Variants in ARHGAP30 observed in about 807,000 individuals in gnomAD.
The protein encoded by ARHGAP30 is Rho GTPase activating protein 30.
A neutral mutation model predicts 72.0 loss-of-function variants in ARHGAP30; 23 were observed. The observed-to-expected ratio is 0.32, with a 90% CI of 0.23 to 0.45. The LOEUF (loss-of-function observed/expected upper bound fraction) is 0.45, where lower values mean the gene tolerates loss of function less well. Among genes scored for constraint, ARHGAP30 ranks in the 20% least tolerant of loss-of-function variants. ARHGAP30 has a pLI of 1.00. For synonymous variants in ARHGAP30, 576 were observed against 528.2 expected (o/e 1.09, Z -1.24); for missense variants, 1,319 against 1,383.4 (o/e 0.95, Z 0.74).
chr1:161,059,014 T>A (rs982037969), intron 2 of ARHGAP30, among the ~76,000 whole-genome samples: 42 of 152,208 alleles, frequency 2.8e-4, no homozygotes, highest in Non-Finnish European at 7.4e-5. Context: ...TTTTGATATG[T>A]AAATTATATC....
chr1:161,069,445 G>T lies in ARHGAP30; in HGVS notation c.97+83C>A. On this transcript the variant is annotated intron_variant, in intron 1 of 11. Transcript: ENST00000368013. The surrounding 1 kb of genome is among the most constrained non-coding windows in gnomAD (Gnocchi z 4.9). The stretch of plus-strand genomic sequence containing the variant: ...CCCTTCCCCAGGAGCACCGGAAACT[G>T]CTTCTGCCCTTCAGGCTGGATCGGG... 2 of 1,421,128 alleles carry T rather than the reference G, an allele frequency of 1.4e-6. No individual in the cohort carries two copies. The highest frequency in any genetic ancestry group is 2.0e-6 in the Non-Finnish European group (2 of 1,021,972). 88.0% of individuals were successfully genotyped at this position (1,421,128 alleles called of 1,614,324 possible). A position where few individuals can be genotyped will look rare whatever the true frequency, so the allele number is the denominator to read the frequency against.
chr1:161,049,064 C>G lies in ARHGAP30; in HGVS notation c.1957G>C (p.Ala653Pro). The change falls in exon 12 of 12, where the codon GCA becomes CCA. Residue 653 changes from alanine to proline, a missense_variant. Around this residue, in one of 2 missense-constraint regions of ARHGAP30, gnomAD observed 1,097 missense variants for 1,045.2 expected, o/e 1.05. Transcript: ENST00000368013. Reference sequence around the variant, plus strand: ...TTGTCCTCCCCAACTTCCCAGCATGCCTGCTCTTCCCCACCCTGTCCCAGA... The same window carrying G: ...TTGTCCTCCCCAACTTCCCAGCATGGCTGCTCTTCCCCACCCTGTCCCAGA... The part of the protein sequence containing the change: ...QALGQGGEEQ[A>P]CWEVGEDKQA... 1 of 1,614,190 alleles carries G rather than the reference C, an allele frequency of 6.2e-7. No individual in the cohort carries two copies. The highest frequency in any genetic ancestry group is 8.5e-7 in the Non-Finnish European group (1 of 1,180,034).
In ARHGAP30 at chr1:161,059,676, C is replaced by G. The variant is rs368841524; in HGVS notation, c.138G>C (p.Glu46Asp). The change falls in exon 2 of 12, where the codon GAG (glutamate) becomes GAC (aspartate). Residue 46 changes from glutamate to aspartate, a missense_variant. By Grantham distance (45) the Glu-to-Asp change is conservative. This residue lies in a region of ARHGAP30 where 222 missense variants were observed against 338.2 expected (regional missense o/e 0.66). Transcript: ENST00000368013. ...GGTAGATCCCATCCACCACTCCATACTCCTCCACAAATTCTGCACAGCTCT... is the reference window on the plus strand; with the variant it reads ...GGTAGATCCCATCCACCACTCCATAGTCCTCCACAAATTCTGCACAGCTCT... ...VLKSCAEFVE[E>D]YGVVDGIYRL... is the part of the protein sequence containing the mutation. 1.7e-4 allele frequency: 272 copies of G among 1,613,874 alleles called. 5 individuals are homozygous for G. The South Asian group carries it at 2.8e-3, about 16-fold the overall frequency.
chr1:161,049,176 G>A lies in ARHGAP30; in HGVS notation c.1845C>T (p.Asp615=), dbSNP rs368859663. The A allele has an allele frequency of 1.2e-6, 2 of 1,614,034 alleles. No individual in the cohort carries two copies. Among genetic ancestry groups the A allele is most frequent in the African/African-American group, 2.7e-5 (2 of 74,892 alleles). ...GTTTAGGTCCCAGAAGGGGACTTAG[G>A]TCATCATAGGCACTCAGGAAAACTT... The part of the protein sequence containing the change: ...GEEVFLSAYD[D]LSPLLGPKPP... Residue 615 remains aspartate, a synonymous_variant, in exon 12 of 12, where the codon GAC becomes GAT. Coordinates refer to ENST00000368013, the MANE Select transcript of ARHGAP30 (RefSeq NM_001025598.2).
At position 161,069,732 on chromosome 1, in the gene ARHGAP30, G is replaced by C. The variant is rs962238308; in HGVS notation, c.-108C>G. 12 of 1,259,142 alleles carry C rather than the reference G, an allele frequency of 9.5e-6. No individual in the cohort carries two copies. Among genetic ancestry groups the C allele is most frequent in the Admixed American group, 6.3e-5 (3 of 47,480 alleles). 78.0% of individuals were successfully genotyped at this position (1,259,142 alleles called of 1,614,324 possible). ...GCTGCTGGGCTTGGCCCGGCCCCAG[G>C]GGGGCAGGGCTCCCAATTGGGGGTG... On this transcript the variant is annotated 5_prime_UTR_variant, in exon 1 of 12. Transcript: ENST00000368013. This position sits in a 1 kb window ranked among gnomAD's most constrained non-coding sequence, Gnocchi z 4.9.
intron 1 of ARHGAP30, among the ~76,000 whole-genome samples, chr1:161,066,206 G>A (rs1325302376): frequency 6.7e-6 from 1 of 150,144 alleles, no homozygotes; most frequent in Non-Finnish European, 1.5e-5. Flanking sequence ...CTGGCTTTCA[G>A]ACCCTTCATC....
intron 5 of ARHGAP30, 114 bp from the exon 6 acceptor site, chr1:161,053,499 T>TCTCTCTC: frequency 1.1e-6 from 1 of 873,592 alleles, no homozygotes; most frequent in East Asian, 7.3e-5. Context: ...TCTCTCTCTC[T>TCTCTCTC]CTCTCTCGAA....
chr1:161,052,370 G>C lies in ARHGAP30; in HGVS notation c.941-7C>G. The C allele has an allele frequency of 1.2e-6, 2 of 1,614,040 alleles. No individual in the cohort carries two copies. Among genetic ancestry groups the C allele is most frequent in the Non-Finnish European group, 1.7e-6 (2 of 1,180,024 alleles). The stretch of plus-strand genomic sequence containing the variant: ...CCCTTGTTGGATTTATCCTCTGTAA[G>C]ACAGGGATGTGTGTAGAGCCAGGGC... On this transcript the variant is annotated splice_polypyrimidine_tract_variant and splice_region_variant and intron_variant, in intron 8 of 11. Coordinates refer to ENST00000368013, the MANE Select transcript of ARHGAP30 (RefSeq NM_001025598.2).
At chr1:161,061,432 C>T (rs913509580) in intron 1 of ARHGAP30, among the ~76,000 whole-genome samples, 1 of 152,032 alleles carries the variant, frequency 6.6e-6, no homozygotes, top group African/African-American at 2.4e-5. Flanking sequence ...GGATTACAGG[C>T]GTGAGCCACC....
At position 161,056,474 on chromosome 1, in the gene ARHGAP30, T is replaced by A; in HGVS notation, c.259A>T (p.Ile87Phe). Residue 87 changes from isoleucine (I) to phenylalanine (F), a missense_variant, in exon 3 of 12, where the codon ATT becomes TTT. Ile to Phe is a conservative substitution (Grantham distance 21). Around this residue, in one of 2 missense-constraint regions of ARHGAP30, gnomAD observed 222 missense variants for 338.2 expected, o/e 0.66. Coordinates refer to ENST00000368013, the MANE Select transcript of ARHGAP30 (RefSeq NM_001025598.2). ...TTGCACAGGGAGGAGACGCAGTGAA[T>A]GTCTTGGAGGTAAACATCCCGACGC... is the stretch of plus-strand genomic sequence containing the variant. ...DLRRDVYLQD[I>F]HCVSSLCKAY... 1 of 1,614,064 alleles carries A rather than the reference T, an allele frequency of 6.2e-7. No homozygotes were observed. Among genetic ancestry groups the A allele is most frequent in the Admixed American group, 1.7e-5 (1 of 59,994 alleles).
chr1:161,064,111 T>C (rs12080904), intron 1 of ARHGAP30, among the ~76,000 whole-genome samples: 1,886 of 152,324 alleles, frequency 0.012, 40 homozygotes, highest in African/African-American at 0.042. Flanking sequence ...CATACCTATT[T>C]GTATACTCCC....
chr1:161,049,767 T>G, intron 10 of ARHGAP30, 78 bp from the exon 11 acceptor site: 1 of 1,527,148 alleles, frequency 6.5e-7, no homozygotes, highest in South Asian at 1.2e-5. Flanking sequence ...CTAGCATTGA[T>G]ATAGCAGGGG....
At position 161,054,665 on chromosome 1, in the gene ARHGAP30, T is replaced by C. The variant is rs146389701; in HGVS notation, c.386A>G (p.Lys129Arg). The stretch of plus-strand genomic sequence containing the variant: ...GAGTTCCCGAAGCACCTCTAGGATC[T>C]TGACCAAGCGCTCAGGTTCCAATTG... ...GVQLEPERLVKILEVLRELPV... is the reference protein window; with the variant it reads ...GVQLEPERLVRILEVLRELPV... Residue 129 changes from lysine (K) to arginine (R), a missense_variant, in exon 4 of 12, where the codon AAG becomes AGG. Lys to Arg is a conservative substitution (Grantham distance 26, BLOSUM62 2). Coordinates refer to ENST00000368013, the MANE Select transcript of ARHGAP30 (RefSeq NM_001025598.2). 7.2e-5 allele frequency: 117 copies of C among 1,614,026 alleles called. No homozygotes were observed. The African/African-American group carries it at 1.5e-3, about 20-fold the overall frequency.
At position 161,069,708 on chromosome 1, in the gene ARHGAP30, C is replaced by G. The variant is rs1324719229; in HGVS notation, c.-84G>C. The G allele has an allele frequency of 8.1e-6, 12 of 1,476,718 alleles. No homozygotes were observed. Among genetic ancestry groups the G allele is most frequent in the Non-Finnish European group, 1.1e-5 (12 of 1,073,314 alleles). 91.5% of individuals were successfully genotyped at this position (1,476,718 alleles called of 1,614,324 possible). A position where few individuals can be genotyped will look rare whatever the true frequency, so the allele number is the denominator to read the frequency against. ...CAGTCCCCCATGGGATCCCAGCCAG[C>G]TGCTGGGCTTGGCCCGGCCCCAGGG... On this transcript the variant is annotated 5_prime_UTR_variant, in exon 1 of 12. Coordinates refer to ENST00000368013, the MANE Select transcript of ARHGAP30 (RefSeq NM_001025598.2). The surrounding 1 kb of genome is among the most constrained non-coding windows in gnomAD (Gnocchi z 4.9).
At position 161,062,837 on chromosome 1, in the gene ARHGAP30, G is replaced by C. The variant is rs563052597; in HGVS notation, c.98-3121C>G. Among the ~76,000 whole-genome samples the C allele has an allele frequency of 6.0e-5, 9 of 150,158 alleles. No homozygotes were observed. In the South Asian group the frequency reaches 1.9e-3, roughly 32 times the overall value. On this transcript the variant is annotated intron_variant, in intron 1 of 11. Coordinates refer to ENST00000368013, the MANE Select transcript of ARHGAP30 (RefSeq NM_001025598.2). ...GTCTTTGTTCTTTTTTTTTTGAGAC[G>C]GAGTTTCGCTCTTGTTGCCCAGGCT...
Position 161,048,800 on chromosome 1 carries a change from C to T in ARHGAP30, c.2221G>A (p.Glu741Lys), listed in dbSNP as rs201790759. The T allele has an allele frequency of 9.6e-5, 155 of 1,613,978 alleles. No individual in the cohort carries two copies. Among genetic ancestry groups the T allele is most frequent in the South Asian group, 2.2e-5 (2 of 91,086 alleles). Residue 741 changes from glutamate to lysine, a missense_variant, in exon 12 of 12, where the codon GAG becomes AAG. This residue lies in a region of ARHGAP30 where 1,097 missense variants were observed against 1,045.2 expected (regional missense o/e 1.05). Transcript: ENST00000368013. ...TCTTTTTCCTTCTCATCTGTATACT[C>T]ATCTCCTCCTGGTTCCTCCACACCT... ...AKGVEEPGGD[E>K]YTDEKEKEIE...
chr1:161,059,910 C>T (rs994356300), intron 1 of ARHGAP30, among the ~76,000 whole-genome samples, 194 bp from the exon 2 acceptor site: 2 of 152,170 alleles, frequency 1.3e-5, no homozygotes, highest in Non-Finnish European at 2.9e-5. Flanking sequence ...CTTAGTGGGT[C>T]CTAAAGGTCC....
intron 5 of ARHGAP30, 76 bp from the exon 6 acceptor site, chr1:161,053,461 ATTCTCTCT>A: frequency 1.2e-6 from 1 of 805,624 alleles, no homozygotes; most frequent in Admixed American, 2.9e-5. Context: ...AAAATACCTT[ATTCTCTCT>A]CTCTCTCTCT....
chr1:161,049,085 C>T lies in ARHGAP30; in HGVS notation c.1936G>A (p.Gly646Arg), dbSNP rs1391429018. Residue 646 changes from glycine to arginine, a missense_variant, in exon 12 of 12, where the codon GGA (glycine) becomes AGA (arginine). By Grantham distance (125) the Gly-to-Arg change is moderately radical. This residue lies in a region of ARHGAP30 where 1,097 missense variants were observed against 1,045.2 expected (regional missense o/e 1.05). Transcript: ENST00000368013. Reference protein sequence around the residue: ...EAAGCGRQALGQGGEEQACWE... With the variant: ...EAAGCGRQALRQGGEEQACWE... ...CATGCCTGCTCTTCCCCACCCTGTC[C>T]CAGAGCCTGCCTTCCACATCCTGCT... 6.2e-7 allele frequency: 1 copy of T among 1,614,138 alleles called. No individual in the cohort carries two copies. Among genetic ancestry groups the T allele is most frequent in the Admixed American group, 1.7e-5 (1 of 60,016 alleles).
Sources: allele counts gnomAD v4.1 joint callset (sites outside exome capture counted in the v4.1 genomes callset), GRCh38; gene constraint gnomAD v4.1.1; regional missense constraint gnomAD v4.1.1; non-coding constraint Gnocchi (gnomAD v3.1); transcripts MANE v1.5; gene names NCBI Gene and HGNC (gene_info 2026-07-23, HGNC 2026-07-21).